USP43: variants seen among roughly 807,000 people sequenced by gnomAD.
USP43 encodes the protein ubiquitin specific peptidase 43.
A neutral mutation model predicts 90.7 loss-of-function variants in USP43; 33 were observed. The observed-to-expected ratio is 0.36, with a 90% CI of 0.28 to 0.49. The LOEUF is 0.49. Ranked by LOEUF, USP43 falls within the 20% of genes least tolerant of loss-of-function variation. The pLI is 0.98. For missense variants in USP43, 1,274 were observed against 1,476.4 expected (o/e 0.86, Z 2.25); for synonymous variants, 598 against 615.8 (o/e 0.97, Z 0.43).
intron 8 of USP43, among the ~76,000 whole-genome samples, chr17:9,689,131 G>A (rs1184655691): frequency 1.3e-5 from 2 of 152,118 alleles, no homozygotes; most frequent in African/African-American, 4.8e-5. Context: ...TAGGAGTAAT[G>A]TGTTCTAGAT....
At position 9,672,040 on chromosome 17, in the gene USP43, A is replaced by C. The variant is rs376201163; in HGVS notation, c.741-2851A>C. On this transcript the variant is annotated intron_variant, in intron 3 of 14. Transcript: ENST00000285199. ...AGACAGAGTTTTGCTCTTGTCACCC[A>C]TGCTGGAGTGCAATGGCGCGATCTC... Among the ~76,000 whole-genome samples the C allele has an allele frequency of 3.0e-4, 45 of 152,212 alleles. 1 individual carries two copies. In the East Asian group the frequency reaches 5.8e-3, roughly 20 times the overall value.
chr17:9,680,247 T>G lies in USP43; in HGVS notation c.986T>G (p.Leu329Arg). ...TCATTTCAGGTGATCTTGGTTGAAC[T>G]GTATCCCAGTGGATTCCAGCGGTCT... is the stretch of plus-strand genomic sequence containing the variant. ...VPADEVILVE[L>R]YPSGFQRSFF... Residue 329 changes from leucine (L) to arginine (R), a missense_variant, in exon 6 of 15, where the codon CTG (leucine) becomes CGG (arginine). Around this residue, in one of 6 missense-constraint regions of USP43, gnomAD observed 259 missense variants for 373.7 expected, o/e 0.69. Transcript: ENST00000285199. 1 of 1,613,784 alleles carries G rather than the reference T, an allele frequency of 6.2e-7. No individual in the cohort carries two copies. The highest frequency in any genetic ancestry group is 1.1e-5 in the South Asian group (1 of 91,060).
chr17:9,694,086 T>C (rs990255475), intron 9 of USP43, among the ~76,000 whole-genome samples: 1 of 152,222 alleles, frequency 6.6e-6, no homozygotes, highest in African/African-American at 2.4e-5. Context: ...GCAACATCTA[T>C]GGGGCAGTTC....
rs775326214 is a variant in USP43 at position 9,700,178 on chromosome 17, G to C, written c.1464G>C (p.Leu488Phe). ...TCCCTTGTTCTCTTCTCAGGGTTTT[G>C]CATCTCAGGAGGCCAGGAGGCCCTC... The part of the protein sequence containing the change: ...PLCHWAVDRV[L>F]HLRRPGGPPH... Residue 488 changes from leucine to phenylalanine, a missense_variant, in exon 10 of 15, where the codon TTG becomes TTC. Leu to Phe is a conservative substitution (Grantham distance 22, BLOSUM62 0). Around this residue, in one of 6 missense-constraint regions of USP43, gnomAD observed 253 missense variants for 276.0 expected, o/e 0.92. Coordinates refer to ENST00000285199, the MANE Select transcript of USP43 (RefSeq NM_153210.5). 1.2e-6 allele frequency: 2 copies of C among 1,603,992 alleles called. No homozygotes were observed. The highest frequency in any genetic ancestry group is 1.7e-6 in the Non-Finnish European group (2 of 1,175,644).
At chr17:9,725,357 G>T (rs1917207662) in intron 14 of USP43, among the ~76,000 whole-genome samples, 1 of 152,012 alleles carries the variant, frequency 6.6e-6, no homozygotes, top group South Asian at 2.1e-4. Context: ...AGTGCCCAGG[G>T]GTCTCTGAAC....
At chr17:9,694,258 C>G (rs1229877379) in intron 9 of USP43, among the ~76,000 whole-genome samples, 1 of 152,060 alleles carries the variant, frequency 6.6e-6, no homozygotes, top group African/African-American at 2.4e-5. Flanking sequence ...AGCAGGTGAG[C>G]CAGAAGGTTC....
intron 14 of USP43, among the ~76,000 whole-genome samples, chr17:9,724,789 A>G (rs948405552): frequency 3.9e-5 from 6 of 152,228 alleles, no homozygotes; most frequent in Admixed American, 1.3e-4. Flanking sequence ...ACTGTATCCC[A>G]AGCGTTGAAG....
In USP43 at chr17:9,729,105, A is replaced by AG; in HGVS notation, c.*115_*116insG. ...AACCCGTTGTCTTGTAATCTCTAAAAAAAAATTTTTTTTTTTTTGTGGTGG... is the reference window on the plus strand; with the variant it reads ...AACCCGTTGTCTTGTAATCTCTAAAAGAAAAATTTTTTTTTTTTTGTGGTGG... On this transcript the variant is annotated 3_prime_UTR_variant, in exon 15 of 15. Coordinates refer to ENST00000285199, the MANE Select transcript of USP43 (RefSeq NM_153210.5). 1 of 1,190,502 alleles carries AG rather than the reference A, an allele frequency of 8.4e-7. No individual in the cohort carries two copies. The highest frequency in any genetic ancestry group is 1.1e-6 in the Non-Finnish European group (1 of 902,950). The allele number at this position is 1,190,502 out of a possible 1,614,324, so 73.7% of individuals were successfully genotyped here.
intron 6 of USP43, among the ~76,000 whole-genome samples, chr17:9,681,491 T>TATATATAC (rs1914279796): frequency 1.5e-5 from 1 of 68,016 alleles, no homozygotes; most frequent in African/African-American, 5.2e-5. Context: ...TATATATATA[T>TATATATAC]ATATATATAT....
intron 13 of USP43, among the ~76,000 whole-genome samples, chr17:9,711,427 GT>G (rs1916190495): frequency 6.6e-6 from 1 of 152,090 alleles, no homozygotes; most frequent in African/African-American, 2.4e-5. Flanking sequence ...TGTTGTTGTT[GT>G]TTTGTTTTTT....
At position 9,729,568 on chromosome 17, in the gene USP43, A is replaced by G. The variant is rs1175733427; in HGVS notation, c.*578A>G. 1.3e-5 allele frequency: 2 copies of G among 152,072 alleles called. No homozygotes were observed. The highest frequency in any genetic ancestry group is 3.8e-4 in the East Asian group (2 of 5,202). 9.4% of individuals were successfully genotyped at this position (152,072 alleles called of 1,614,324 possible). ...CAGGTGAATATTTAATATATTAAAA[A>G]TTGTATTAAAGTTTTTCAAGGTATT... is the stretch of plus-strand genomic sequence containing the variant. On this transcript the variant is annotated 3_prime_UTR_variant, in exon 15 of 15. Transcript: ENST00000285199.
Position 9,656,395 on chromosome 17 carries a change from C to A in USP43, c.505-8C>A. Reference sequence around the variant, plus strand: ...AATTCACCTCTCGATTTCCTTTTTTCCTTTCAGAATGCAGTTTCCAAGTAC... The same window carrying A: ...AATTCACCTCTCGATTTCCTTTTTTACTTTCAGAATGCAGTTTCCAAGTAC... On this transcript the variant is annotated splice_region_variant and splice_polypyrimidine_tract_variant and intron_variant, in intron 1 of 14. Transcript: ENST00000285199. 6.2e-7 allele frequency: 1 copy of A among 1,606,202 alleles called. No homozygotes were observed. The highest frequency in any genetic ancestry group is 1.3e-5 in the African/African-American group (1 of 74,598).
At position 9,701,501 on chromosome 17, in the gene USP43, G is replaced by A. The variant is rs753170701; in HGVS notation, c.1812G>A (p.Thr604=). ...GCGAGAGAAGAAACAAGCTCTCCAC[G>A]CTGGTGAAGTTTCCGCTCTCTGGAC... is the stretch of plus-strand genomic sequence containing the variant. ...QVGERRNKLS[T]LVKFPLSGLN... The change falls in exon 12 of 15, where the codon ACG becomes ACA. Residue 604 remains threonine, a synonymous_variant. Transcript: ENST00000285199. The surrounding 1 kb of genome is among the most constrained non-coding windows in gnomAD (Gnocchi z 7.2). The A allele has an allele frequency of 1.5e-5, 23 of 1,569,948 alleles. No homozygotes were observed. The highest frequency in any genetic ancestry group is 1.7e-4 in the Middle Eastern group (1 of 6,034).
chr17:9,651,511 A>C (rs979606704), intron 1 of USP43, among the ~76,000 whole-genome samples: 2 of 152,068 alleles, frequency 1.3e-5, no homozygotes, highest in African/African-American at 2.4e-5. Flanking sequence ...TGTTTCTGTA[A>C]GTTCCTTAGT....
intron 9 of USP43, among the ~76,000 whole-genome samples, chr17:9,696,409 CA>C (rs1915270381): frequency 6.6e-6 from 1 of 152,100 alleles, no homozygotes; most frequent in Non-Finnish European, 1.5e-5. Context: ...GCTGGGATTA[CA>C]GTCGTGAGCC....
intron 8 of USP43, among the ~76,000 whole-genome samples, chr17:9,690,202 T>A (rs1291775096): frequency 6.6e-6 from 1 of 152,176 alleles, no homozygotes; most frequent in Non-Finnish European, 1.5e-5. Flanking sequence ...CATGTGTCAT[T>A]CCTCTTTCCT....
At position 9,686,939 on chromosome 17, in the gene USP43, G is replaced by T. The variant is rs993075426; in HGVS notation, c.1353+30G>T. The T allele has an allele frequency of 1.2e-5, 19 of 1,587,624 alleles. No individual in the cohort carries two copies. Among genetic ancestry groups the T allele is most frequent in the Non-Finnish European group, 1.6e-5 (18 of 1,159,804 alleles). The stretch of plus-strand genomic sequence containing the variant: ...GTGGTGTGCATGCGTGTGTGTGTGT[G>T]TGCGTGCATGCGCATGTGCATGCGT... On this transcript the variant is annotated intron_variant, in intron 8 of 14. Transcript: ENST00000285199. This position sits in a 1 kb window ranked among gnomAD's most constrained non-coding sequence, Gnocchi z 5.5.
At chr17:9,684,661 G>A (rs1914493930) in intron 7 of USP43, among the ~76,000 whole-genome samples, 1 of 151,586 alleles carries the variant, frequency 6.6e-6, no homozygotes, top group Non-Finnish European at 1.5e-5. Flanking sequence ...TACTCGGGAG[G>A]CTGAGGCAGG....
intron 4 of USP43, 70 bp downstream of exon 4, chr17:9,675,053 C>A: frequency 7.4e-7 from 1 of 1,342,304 alleles, no homozygotes; most frequent in Non-Finnish European, 1.1e-6. Context: ...AAGCTTCTGG[C>A]CTCACACCTG....
Sources: allele counts gnomAD v4.1 joint callset (sites outside exome capture counted in the v4.1 genomes callset), GRCh38; gene constraint gnomAD v4.1.1; regional missense constraint gnomAD v4.1.1; non-coding constraint Gnocchi (gnomAD v3.1); transcripts MANE v1.5; gene names NCBI Gene and HGNC (gene_info 2026-07-23, HGNC 2026-07-21).